Variants in RSAD2 observed in about 807,000 individuals in gnomAD.
RSAD2 encodes S-adenosylmethionine-dependent nucleotide dehydratase RSAD2.
RSAD2 carries 38 observed loss-of-function variants against 37.7 expected under a neutral mutation model. The ratio of observed to expected loss-of-function variants is 1.01; its 90% CI spans 0.78 to 1.32. The LOEUF (loss-of-function observed/expected upper bound fraction) is 1.32. RSAD2 is among the 40% of genes most tolerant of loss of function. The pLI is 0.00. For missense variants in RSAD2, 428 were observed against 437.5 expected, an observed-to-expected ratio of 0.98 and a Z score of 0.19; for synonymous variants, 163 against 157.4, an observed-to-expected ratio of 1.04 and a Z score of -0.27.
chr2:6,893,794 T>C lies in RSAD2; in HGVS notation c.921+91T>C, dbSNP rs1244272951. 6.5e-5 allele frequency: 56 copies of C among 864,256 alleles called. 1 individual carries two copies. Among genetic ancestry groups the C allele is most frequent in the Non-Finnish European group, 5.5e-5 (29 of 525,900 alleles). The allele number at this position is 864,256 out of a possible 1,614,324, so 53.5% of individuals were successfully genotyped here. ...GAGTTCCATGAGCATAACTATCTAG[T>C]ACCTATTTGTCCTTCTTAATTAGCA... is the stretch of plus-strand genomic sequence containing the variant. On this transcript the variant is annotated intron_variant, in intron 5 of 5. Coordinates refer to ENST00000382040, the MANE Select transcript of RSAD2 (RefSeq NM_080657.5).
Position 6,895,811 on chromosome 2 carries a change from G to A in RSAD2, c.955G>A (p.Asp319Asn), listed in dbSNP as rs765098737. The A allele has an allele frequency of 5.0e-6, 8 of 1,613,990 alleles. No homozygotes were observed. The highest frequency in any genetic ancestry group is 6.8e-6 in the Non-Finnish European group (8 of 1,179,968). Residue 319 changes from aspartate (D) to asparagine (N), a missense_variant, in exon 6 of 6, where the codon GAC becomes AAC. Transcript: ENST00000382040. ...TCTGAACTGTAGAAAGGGACGGAAG[G>A]ACCCTTCCAAGTCCATCCTGGATGT... ...RFLNCRKGRK[D>N]PSKSILDVGV... is the part of the protein sequence containing the mutation.
At chr2:6,878,797 C>CTT in intron 1 of RSAD2, 1 of 1,189,532 alleles carries the variant, frequency 8.4e-7, no homozygotes, top group Non-Finnish European at 1.1e-6. Flanking sequence ...GCCTTCCGTC[C>CTT]TTGTCTTCCT....
At chr2:6,880,535 T>C (rs563674588) in intron 1 of RSAD2, among the ~76,000 whole-genome samples, 1 of 152,196 alleles carries the variant, frequency 6.6e-6, no homozygotes, top group Non-Finnish European at 1.5e-5. Flanking sequence ...TGTGCTTATT[T>C]AGGCCCACTG....
chr2:6,891,557 G>A (rs1663629998), intron 4 of RSAD2, among the ~76,000 whole-genome samples: 1 of 152,156 alleles, frequency 6.6e-6, no homozygotes, highest in African/African-American at 2.4e-5. Flanking sequence ...CACGAGGTCA[G>A]GAAATCGAGA....
At chr2:6,885,219 G>A (rs4668515) in intron 2 of RSAD2, among the ~76,000 whole-genome samples, 110,713 of 152,114 alleles carry the variant, frequency 0.73, 42,139 homozygotes, top group East Asian at 0.84. Flanking sequence ...AGGCCTCATA[G>A]GTTGTACTTT....
intron 2 of RSAD2, among the ~76,000 whole-genome samples, chr2:6,885,278 G>C (rs1280501656): frequency 6.6e-6 from 1 of 152,142 alleles, no homozygotes; most frequent in Non-Finnish European, 1.5e-5. Flanking sequence ...CTTTGCACAG[G>C]AAGGTCCATT....
At chr2:6,895,545 C>G (rs535899684) in intron 5 of RSAD2, among the ~76,000 whole-genome samples, 1 of 152,342 alleles carries the variant, frequency 6.6e-6, no homozygotes, top group Admixed American at 6.5e-5. Flanking sequence ...GCATATCATT[C>G]TGTTTATTGT....
At position 6,896,656 on chromosome 2, in the gene RSAD2, A is replaced by G. The variant is rs559443647; in HGVS notation, c.*714A>G. ...TCCTACCAATTTTCAAGAAGTCTCT[A>G]GAAAGAGATAACACATGGAAAGACG... is the stretch of plus-strand genomic sequence containing the variant. On this transcript the variant is annotated 3_prime_UTR_variant, in exon 6 of 6. Transcript: ENST00000382040. 7.2e-5 allele frequency: 11 copies of G among 152,208 alleles called. No individual in the cohort carries two copies. Among genetic ancestry groups the G allele is most frequent in the African/African-American group, 2.4e-4 (10 of 41,534 alleles). The allele number at this position is 152,208 out of a possible 1,614,324, so 9.4% of individuals were successfully genotyped here.
intron 3 of RSAD2, among the ~76,000 whole-genome samples, chr2:6,888,703 A>G (rs1663570025): frequency 1.3e-5 from 2 of 152,126 alleles, no homozygotes; most frequent in Admixed American, 1.3e-4. Context: ...TGCCATCAAG[A>G]TCCTGACTCT....
intron 2 of RSAD2, 97 bp downstream of exon 2, chr2:6,883,629 T>C: frequency 1.1e-5 from 16 of 1,410,284 alleles, no homozygotes; most frequent in Non-Finnish European, 1.6e-5. Context: ...CCAGGCCTGC[T>C]GAGGAACTGG....
rs1311395348 is a variant in RSAD2, at chr2:6,878,123, G to A, written c.323G>A (p.Gly108Glu). The A allele has an allele frequency of 6.2e-7, 1 of 1,613,974 alleles. No homozygotes were observed. The highest frequency in any genetic ancestry group is 1.1e-5 in the South Asian group (1 of 91,032). The change falls in exon 1 of 6, where the codon GGA becomes GAA. Residue 108 changes from glycine to glutamate, a missense_variant. Coordinates refer to ENST00000382040, the MANE Select transcript of RSAD2 (RefSeq NM_080657.5). ...FVLPLEEAKR[G>E]LLLLKEAGME... ...CTGCCCCTTGAGGAAGCAAAGAGAG[G>A]ATTGCTTTTGCTTAAGGAAGCTGGT...
rs944348530 is a variant in RSAD2, at chr2:6,896,769, G to A, written c.*827G>A. On this transcript the variant is annotated 3_prime_UTR_variant, in exon 6 of 6. Transcript: ENST00000382040. ...CCTGTTGTGTCCCTTTCTCTTCAAA[G>A]ATCCTGAGCAAAACAAAGATACGCT... is the stretch of plus-strand genomic sequence containing the variant. 1 of 152,186 alleles carries A rather than the reference G, an allele frequency of 6.6e-6. No homozygotes were observed. Among genetic ancestry groups the A allele is most frequent in the South Asian group, 2.1e-4 (1 of 4,832 alleles). 9.4% of individuals were successfully genotyped at this position (152,186 alleles called of 1,614,324 possible).
chr2:6,884,083 A>G (rs1271564889), intron 2 of RSAD2, among the ~76,000 whole-genome samples: 1 of 152,204 alleles, frequency 6.6e-6, no homozygotes, highest in African/African-American at 2.4e-5. Context: ...AGCTTGGAAA[A>G]CATTAGCTCT....
chr2:6,885,750 TA>T (rs112790268), intron 2 of RSAD2, among the ~76,000 whole-genome samples: 17,771 of 152,278 alleles, frequency 0.12, 1,139 homozygotes, highest in South Asian at 0.15. Flanking sequence ...GTCTTTAGTA[TA>T]ACTGATAAGG....
chr2:6,873,945 G>A (rs1024763788), upstream of RSAD2, among the ~76,000 whole-genome samples: 4 of 152,092 alleles, frequency 2.6e-5, no homozygotes, highest in Non-Finnish European at 5.9e-5. Flanking sequence ...GTTTAGATTT[G>A]TGTCCCCAAC....
intron 4 of RSAD2, among the ~76,000 whole-genome samples, chr2:6,890,754 T>C (rs1208934063): frequency 6.6e-6 from 1 of 152,216 alleles, no homozygotes; most frequent in East Asian, 1.9e-4. Context: ...TATAATTTTG[T>C]TATGTTGCAC....
Position 6,895,892 on chromosome 2 carries a change from C to A in RSAD2, c.1036C>A (p.Arg346=). ...SGFDEKMFLK[R]GGKYIWSKAD... is the part of the protein sequence containing the mutation. ...ATTTGATGAAAAGATGTTTCTGAAG[C>A]GAGGAGGAAAATACATATGGAGTAA... Residue 346 remains arginine (R), a synonymous_variant, in exon 6 of 6, where the codon CGA becomes AGA. Transcript: ENST00000382040. 6.8e-6 allele frequency: 11 copies of A among 1,614,014 alleles called. No homozygotes were observed. Among genetic ancestry groups the A allele is most frequent in the Non-Finnish European group, 7.6e-6 (9 of 1,179,968 alleles).
In RSAD2 at chr2:6,883,494, A is replaced by G. The variant is rs1331102016; in HGVS notation, c.470A>G (p.Asn157Ser). 1.9e-6 allele frequency: 3 copies of G among 1,614,172 alleles called. No individual in the cohort carries two copies. The highest frequency in any genetic ancestry group is 1.1e-5 in the South Asian group (1 of 91,084). ...CTGCCCAGCGTGAGCATCGTGAGCA[A>G]TGGAAGCCTGATCCGGGAGAGGTGG... ...LRLPSVSIVS[N>S]GSLIRERWFQ... Residue 157 changes from asparagine to serine, a missense_variant, in exon 2 of 6, where the codon AAT becomes AGT. Asn to Ser is a conservative substitution (Grantham distance 46). Coordinates refer to ENST00000382040, the MANE Select transcript of RSAD2 (RefSeq NM_080657.5).
At chr2:6,865,955 C>CAAGCGT in exon 1 of RSAD2, 1 of 1,237,494 alleles carries the variant, frequency 8.1e-7, no homozygotes, top group Non-Finnish European at 1.1e-6. Context: ...GCCCCGGGGC[C>CAAGCGT]CCAGGTGCGC....
Sources: gnomAD v4.1 joint callset for allele counts (sites outside exome capture counted in the v4.1 genomes callset) on GRCh38, gnomAD v4.1.1 for gene constraint, MANE v1.5 for transcripts, NCBI Gene and HGNC (gene_info 2026-07-23, HGNC 2026-07-21) for gene names.